F5: variants seen among roughly 807,000 people sequenced by gnomAD.
F5 encodes activated protein c cofactor.
Under a neutral mutation model 216.4 loss-of-function variants are expected in F5, and 138 were observed. That is an observed-to-expected ratio of 0.64 (90% CI 0.56 to 0.73). The LOEUF is 0.73. Among genes scored for constraint, F5 ranks in the 30% least tolerant of loss-of-function variants. The pLI is 0.00. For missense variants in F5, 2,403 were observed against 2,674.0 expected (o/e 0.90, Z 2.24); for synonymous variants, 916 against 930.7 (o/e 0.98, Z 0.29).
rs1322483025 is a variant in F5, at chr1:169,513,093, C to A, written c.*1220G>T. On this transcript the variant is annotated 3_prime_UTR_variant, in exon 25 of 25. Coordinates refer to ENST00000367797, the MANE Select transcript of F5 (RefSeq NM_000130.5). The stretch of plus-strand genomic sequence containing the variant: ...TGTGGTTTCGAGTGAGTTTCTTAGT[C>A]CTCAGTTCTAATTTGATTTCTCTGT... Among the ~76,000 whole-genome samples, 1 of 151,352 alleles carries A rather than the reference C, an allele frequency of 6.6e-6. No individual in the cohort carries two copies. The highest frequency in any genetic ancestry group is 2.4e-5 in the African/African-American group (1 of 41,186).
At position 169,527,973 on chromosome 1, in the gene F5, C is replaced by T. The variant is rs1571564181; in HGVS notation, c.5541G>A (p.Gln1847=). 6 of 1,613,832 alleles carry T rather than the reference C, an allele frequency of 3.7e-6. No individual in the cohort carries two copies. Among genetic ancestry groups the T allele is most frequent in the Non-Finnish European group, 5.1e-6 (6 of 1,179,842 alleles). ...QDIHVVHFHG[Q]TLLENGNKQH... The stretch of plus-strand genomic sequence containing the variant: ...GTTTATTGCCATTTTCCAGCAAGGT[C>T]TGGCCGTGAAAGTGAACCACGTGAA... Residue 1847 remains glutamine (Q), a synonymous_variant, in exon 17 of 25, where the codon CAG becomes CAA. Coordinates refer to ENST00000367797, the MANE Select transcript of F5 (RefSeq NM_000130.5).
chr1:169,559,222 T>G lies in F5; in HGVS notation c.661A>C (p.Ser221Arg). Residue 221 changes from serine to arginine, a missense_variant, in exon 5 of 25, where the codon AGC becomes CGC. Physicochemically the swap from Ser to Arg is moderately radical, Grantham distance 110. Coordinates refer to ENST00000367797, the MANE Select transcript of F5 (RefSeq NM_000130.5). Reference protein sequence around the residue: ...IVLLFAVFDESKSWSQSSSLM... With the variant: ...IVLLFAVFDERKSWSQSSSLM... The stretch of plus-strand genomic sequence containing the variant: ...GATGATGACTGGCTCCAGCTCTTGC[T>G]TTCATCAAACACAGCAAATAGTAGC... 6.2e-7 allele frequency: 1 copy of G among 1,613,850 alleles called. No individual in the cohort carries two copies. Among genetic ancestry groups the G allele is most frequent in the Non-Finnish European group, 8.5e-7 (1 of 1,179,806 alleles).
chr1:169,526,162 T>C (rs1482359217), intron 17 of F5, 145 bp from the exon 18 acceptor site: 1 of 614,910 alleles, frequency 1.6e-6, no homozygotes, highest in African/African-American at 1.9e-5. Flanking sequence ...GGACTGAAAG[T>C]ATAACAGATA....
intron 7 of F5, among the ~76,000 whole-genome samples, chr1:169,553,834 T>C (rs1016141383): frequency 6.6e-6 from 1 of 152,142 alleles, no homozygotes; most frequent in Non-Finnish European, 1.5e-5. Context: ...AAAGGAACAC[T>C]TATACACTCT....
intron 13 of F5, 97 bp from the exon 14 acceptor site, chr1:169,536,777 G>T: frequency 1.1e-6 from 1 of 945,372 alleles, no homozygotes; most frequent in Non-Finnish European, 1.6e-6. Flanking sequence ...CTAGCATAGA[G>T]AAGGTCTTTA....
intron 21 of F5, among the ~76,000 whole-genome samples, chr1:169,522,262 T>G (rs1659327491): frequency 6.6e-6 from 1 of 152,166 alleles, no homozygotes; most frequent in Non-Finnish European, 1.5e-5. Context: ...ATTTAAAGAA[T>G]TATTACCAAT....
intron 24 of F5, among the ~76,000 whole-genome samples, chr1:169,514,835 A>G (rs536506803): frequency 6.6e-6 from 1 of 152,298 alleles, no homozygotes; most frequent in East Asian, 1.9e-4. Context: ...CAAGTCTCAC[A>G]TGGTGCTGTG....
intron 17 of F5, among the ~76,000 whole-genome samples, chr1:169,526,481 G>C (rs1183382928): frequency 1.3e-5 from 2 of 151,978 alleles, no homozygotes; most frequent in Non-Finnish European, 2.9e-5. Context: ...TATTTGAATA[G>C]AGATTTACAT....
chr1:169,560,656 G>A lies in F5; in HGVS notation c.484C>T (p.His162Tyr). The change falls in exon 4 of 25, where the codon CAT becomes TAT. Residue 162 changes from histidine (H) to tyrosine (Y), a missense_variant. This residue lies in a region of F5 where 1,425 missense variants were observed against 1,554.8 expected (regional missense o/e 0.92). Transcript: ENST00000367797. ...TGTGTGAGGCATGGAGGGTCATCAT[G>A]GGTGGGTCCACTGTCCTCACTGATA... The part of the protein sequence containing the change: ...WSISEDSGPT[H>Y]DDPPCLTHIY... 1 of 1,613,788 alleles carries A rather than the reference G, an allele frequency of 6.2e-7. No individual in the cohort carries two copies. The highest frequency in any genetic ancestry group is 2.2e-5 in the East Asian group (1 of 44,850).
intron 13 of F5, among the ~76,000 whole-genome samples, chr1:169,540,086 A>G (rs1659796881): frequency 6.6e-6 from 1 of 152,206 alleles, no homozygotes; most frequent in Non-Finnish European, 1.5e-5. Flanking sequence ...GAGTTCTCAC[A>G]GTGATTGTTC....
chr1:169,571,170 A>G (rs1454466295), intron 3 of F5, among the ~76,000 whole-genome samples: 3 of 152,176 alleles, frequency 2.0e-5, no homozygotes, highest in Non-Finnish European at 2.9e-5. Context: ...TATGCTTACA[A>G]TGATCTGAAC....
In F5 at chr1:169,512,718, TAGAA is replaced by T. The variant is rs1659058829; in HGVS notation, c.*1591_*1594del. Among the ~76,000 whole-genome samples the T allele has an allele frequency of 6.6e-6, 1 of 152,076 alleles. No homozygotes were observed. Among genetic ancestry groups the T allele is most frequent in the Admixed American group, 6.6e-5 (1 of 15,240 alleles). On this transcript the variant is annotated 3_prime_UTR_variant, in exon 25 of 25. Coordinates refer to ENST00000367797, the MANE Select transcript of F5 (RefSeq NM_000130.5). Reference sequence around the variant, plus strand: ...AAAGGAATAGTGGGAATACGAATATTAGAAAGCCAATGTTTTGTGGATGTTTGAA... The same window carrying T: ...AAAGGAATAGTGGGAATACGAATATTAGCCAATGTTTTGTGGATGTTTGAA...
intron 23 of F5, among the ~76,000 whole-genome samples, chr1:169,516,200 T>A (rs972460025): frequency 2.0e-5 from 3 of 152,284 alleles, no homozygotes; most frequent in African/African-American, 7.2e-5. Context: ...TTCAAATAAA[T>A]GTAACATTTG....
chr1:169,522,486 T>C (rs1393154531), intron 21 of F5, among the ~76,000 whole-genome samples: 1 of 152,192 alleles, frequency 6.6e-6, no homozygotes, highest in Non-Finnish European at 1.5e-5. Context: ...AGAACCATAA[T>C]TTAGGATTTC....
At position 169,529,009 on chromosome 1, in the gene F5, A is replaced by C. The variant is rs1557909384; in HGVS notation, c.5419+599T>G. ...CCTTTCTCTTCTCAGTTTCTGTTTC[A>C]GTTACTAGCTTACAGGGCAAATTTT... On this transcript the variant is annotated intron_variant, in intron 16 of 24. Transcript: ENST00000367797. Among the ~76,000 whole-genome samples, 3 of 152,178 alleles carry C rather than the reference A, an allele frequency of 2.0e-5. No homozygotes were observed. The East Asian group carries it at 5.8e-4, about 29-fold the overall frequency.
chr1:169,531,099 C>G (rs1171891249), intron 14 of F5, 77 bp from the exon 15 acceptor site: 1 of 1,064,860 alleles, frequency 9.4e-7, no homozygotes, highest in East Asian at 2.4e-5. Flanking sequence ...CATTATAAGT[C>G]AAAATGGCTG....
chr1:169,560,287 A>G (rs2101832719), intron 4 of F5, among the ~76,000 whole-genome samples: 1 of 152,290 alleles, frequency 6.6e-6, no homozygotes, highest in African/African-American at 2.4e-5. Flanking sequence ...TACAAGCATG[A>G]CATCAGAACA....
rs1490440141 is a variant in F5, at chr1:169,518,672, C to T, written c.6194-109G>A. 6 of 1,180,778 alleles carry T rather than the reference C, an allele frequency of 5.1e-6. No homozygotes were observed. In the East Asian group the frequency reaches 1.5e-4, roughly 29 times the overall value. 73.1% of individuals were successfully genotyped at this position (1,180,778 alleles called of 1,614,324 possible). A position where few individuals can be genotyped will look rare whatever the true frequency, so the allele number is the denominator to read the frequency against. ...TATTACTACCAACAAATGACAAAAA[C>T]AATAACCACAACAATGAAGATTTAT... On this transcript the variant is annotated intron_variant, in intron 22 of 24. Coordinates refer to ENST00000367797, the MANE Select transcript of F5 (RefSeq NM_000130.5).
rs1030984228 is a variant in F5 at position 169,529,765 on chromosome 1, TC to T, written c.5261del (p.Gly1754GlufsTer13). 1.2e-5 allele frequency: 19 copies of T among 1,613,740 alleles called. No homozygotes were observed. Among genetic ancestry groups the T allele is most frequent in the Non-Finnish European group, 1.6e-5 (19 of 1,179,756 alleles). The stretch of plus-strand genomic sequence containing the variant: ...GCATGTTGCTGTCCTTATGTAGTAT[TC>T]CTTTTTGGCAGATTAGGAGGGGACC... ...LIGPLLICQKGILHKDSNMPM... is the reference protein window; with the variant it reads ...LIGPLLICQKXILHKDSNMPM... On this transcript the variant is annotated frameshift_variant, in exon 16 of 25. Transcript: ENST00000367797. LOFTEE classifies it high-confidence loss of function.
Sources: gnomAD v4.1 joint callset for allele counts (sites outside exome capture counted in the v4.1 genomes callset) on GRCh38, gnomAD v4.1.1 for gene constraint, gnomAD v4.1.1 regional missense constraint, MANE v1.5 for transcripts, NCBI Gene and HGNC (gene_info 2026-07-23, HGNC 2026-07-21) for gene names.